USP25: variants seen among roughly 807,000 people sequenced by gnomAD.
USP25 encodes the protein ubiquitin carboxyl-terminal hydrolase 25.
USP25 carries 85 observed loss-of-function variants against 158.5 expected under a neutral mutation model. The observed-to-expected ratio is 0.54, with a 90% CI of 0.45 to 0.64. USP25 has a LOEUF of 0.64. Ranked by LOEUF, USP25 falls within the 30% of genes least tolerant of loss-of-function variation. USP25 has a pLI of 0.00. For synonymous variants in USP25, 464 were observed against 460.4 expected, an observed-to-expected ratio of 1.01 and a Z score of -0.10; for missense variants, 1,242 against 1,327.3, an observed-to-expected ratio of 0.94 and a Z score of 1.00.
intron 20 of USP25, among the ~76,000 whole-genome samples, chr21:15,852,471 G>T (rs1484543521): frequency 6.6e-6 from 1 of 152,050 alleles, no homozygotes; most frequent in Non-Finnish European, 1.5e-5. Context: ...TAAATAAATT[G>T]TATCAATGTT....
chr21:15,844,469 T>A (rs2038485396), intron 18 of USP25, among the ~76,000 whole-genome samples: 1 of 152,160 alleles, frequency 6.6e-6, no homozygotes, highest in Non-Finnish European at 1.5e-5. Flanking sequence ...GTGCCTGGCA[T>A]GGCATGTAGT....
chr21:15,731,097 C>CCTTT (rs2123121889), intron 1 of USP25, among the ~76,000 whole-genome samples: 1 of 149,266 alleles, frequency 6.7e-6, no homozygotes, highest in African/African-American at 2.5e-5. Flanking sequence ...TTTCGTTCAC[C>CCTTT]CTTTACTCTT....
intron 22 of USP25, among the ~76,000 whole-genome samples, chr21:15,868,212 A>G (rs1344136179): frequency 6.6e-6 from 1 of 152,226 alleles, no homozygotes; most frequent in African/African-American, 2.4e-5. Context: ...TAGAAGCCCA[A>G]AGACATTCAT....
chr21:15,791,546 G>C lies in USP25; in HGVS notation c.437G>C (p.Arg146Thr), dbSNP rs1334206029. The change falls in exon 5 of 26, where the codon AGG becomes ACG. Residue 146 changes from arginine (R) to threonine (T), a missense_variant. Arg to Thr is a moderately conservative substitution (Grantham distance 71). Coordinates refer to ENST00000400183, the MANE Select transcript of USP25 (RefSeq NM_001283041.3). The part of the protein sequence containing the change: ...SIAENKACLK[R>T]TPTEVWRDSR... ...GCAGAGAATAAAGCATGTTTGAAGA[G>C]GACACCTACAGAAGTTTGGAGGGAT... The C allele has an allele frequency of 6.2e-7, 1 of 1,611,002 alleles. No homozygotes were observed. The highest frequency in any genetic ancestry group is 8.5e-7 in the Non-Finnish European group (1 of 1,178,156).
chr21:15,762,974 G>C lies in USP25; in HGVS notation c.123+6G>C. ...TACTACAGCAAGCCTTGAAGGTATG[G>C]CCTCTGTTTTATGATATACAGTTTG... On this transcript the variant is annotated splice_donor_region_variant and intron_variant, in intron 2 of 25. Transcript: ENST00000400183. 1 of 1,609,142 alleles carries C rather than the reference G, an allele frequency of 6.2e-7. No individual in the cohort carries two copies.
At chr21:15,780,913 T>C (rs1324600617) in intron 4 of USP25, among the ~76,000 whole-genome samples, 1 of 152,184 alleles carries the variant, frequency 6.6e-6, no homozygotes, top group Non-Finnish European at 1.5e-5. Context: ...TAATTCCAGA[T>C]ACTTGTGGAT....
intron 1 of USP25, chr21:15,744,010 C>G (rs1336889153): frequency 6.4e-6 from 1 of 155,562 alleles, no homozygotes; most frequent in African/African-American, 2.4e-5. Context: ...ACTTACAGAA[C>G]TGACAGTGTT....
At chr21:15,848,494 G>A (rs1184958886) in intron 19 of USP25, among the ~76,000 whole-genome samples, 1 of 152,046 alleles carries the variant, frequency 6.6e-6, no homozygotes, top group Non-Finnish European at 1.5e-5. Flanking sequence ...GGAACGGCCA[G>A]TAAAGCTGTT....
intron 17 of USP25, among the ~76,000 whole-genome samples, chr21:15,836,476 G>A (rs2038070118): frequency 6.6e-6 from 1 of 152,150 alleles, no homozygotes; most frequent in African/African-American, 2.4e-5. Context: ...TACTTTTGTT[G>A]AGATTTTCAG....
Position 15,816,963 on chromosome 21 carries a change from C to T in USP25, c.932-1735C>T, listed in dbSNP as rs1568843307. On this transcript the variant is annotated intron_variant, in intron 9 of 25. Coordinates refer to ENST00000400183, the MANE Select transcript of USP25 (RefSeq NM_001283041.3). The surrounding 1 kb of genome is among the most constrained non-coding windows in gnomAD (Gnocchi z 4.0). ...CCTGGCCAACATGGTGAAACCCCAC[C>T]TCTACTGAAAATACAAAAATTAGTC... 6.6e-6 allele frequency among the ~76,000 whole-genome samples: 1 copy of T among 151,964 alleles called. No homozygotes were observed. Among genetic ancestry groups the T allele is most frequent in the Non-Finnish European group, 1.5e-5 (1 of 67,972 alleles).
At chr21:15,745,667 G>A (rs2032488849) in intron 1 of USP25, among the ~76,000 whole-genome samples, 1 of 151,566 alleles carries the variant, frequency 6.6e-6, no homozygotes. Context: ...GTAGAGACAG[G>A]GTTTCACCAT....
chr21:15,791,763 G>A (rs2035602951), intron 5 of USP25, 99 bp downstream of exon 5: 3 of 1,290,330 alleles, frequency 2.3e-6, no homozygotes, highest in Middle Eastern at 2.7e-4. Context: ...GATAAGTACA[G>A]ATAAGTTTTT....
chr21:15,831,509 G>A lies in USP25; in HGVS notation c.1873G>A (p.Asp625Asn). 6.2e-7 allele frequency: 1 copy of A among 1,614,078 alleles called. No homozygotes were observed. Among genetic ancestry groups the A allele is most frequent in the Non-Finnish European group, 8.5e-7 (1 of 1,179,960 alleles). Residue 625 changes from aspartate to asparagine, a missense_variant, in exon 16 of 26, where the codon GAT becomes AAT. Transcript: ENST00000400183. ...TGAAAGCAGATGGATGAAGTACAAT[G>A]ATATTGCTGTGACAAAATCATCATG... Reference protein sequence around the residue: ...HRESRWMKYNDIAVTKSSWEE... With the variant: ...HRESRWMKYNNIAVTKSSWEE...
intron 1 of USP25, among the ~76,000 whole-genome samples, chr21:15,753,935 A>G (rs74917734): frequency 0.074 from 11,245 of 151,856 alleles, 496 homozygotes; most frequent in East Asian, 0.098. Flanking sequence ...TGGCAACACA[A>G]GTTATGAGAG....
At chr21:15,788,632 T>C (rs531853824) in intron 4 of USP25, among the ~76,000 whole-genome samples, 5 of 152,062 alleles carry the variant, frequency 3.3e-5, no homozygotes, top group Admixed American at 2.6e-4. Context: ...TGAGGCATGC[T>C]GTAAAATTCT....
rs146056503 is a variant in USP25, at chr21:15,801,943, G to T, written c.642+2100G>T. On this transcript the variant is annotated intron_variant, in intron 6 of 25. Coordinates refer to ENST00000400183, the MANE Select transcript of USP25 (RefSeq NM_001283041.3). ...ATTGAAACTAATTTTAGACACTCAGGTTTCTTTGAACTGTTGGTAATTTCA... is the reference window on the plus strand; with the variant it reads ...ATTGAAACTAATTTTAGACACTCAGTTTTCTTTGAACTGTTGGTAATTTCA... 1.6e-3 allele frequency among the ~76,000 whole-genome samples: 250 copies of T among 151,584 alleles called. 2 individuals are homozygous for T. The highest frequency in any genetic ancestry group is 5.4e-3 in the African/African-American group (222 of 41,444).
chr21:15,732,418 A>G (rs1213271974), intron 1 of USP25, among the ~76,000 whole-genome samples: 1 of 152,220 alleles, frequency 6.6e-6, no homozygotes, highest in Non-Finnish European at 1.5e-5. Flanking sequence ...TAAACCATCT[A>G]CCTCGATAAG....
intron 12 of USP25, 50 bp downstream of exon 12, chr21:15,825,111 T>G: frequency 7.4e-7 from 1 of 1,360,262 alleles, no homozygotes; most frequent in Non-Finnish European, 1.0e-6. Flanking sequence ...AACCATGTAT[T>G]TGGTGACTAG....
intron 1 of USP25, among the ~76,000 whole-genome samples, chr21:15,741,678 C>T (rs1015599573): frequency 6.6e-6 from 1 of 152,090 alleles, no homozygotes; most frequent in African/African-American, 2.4e-5. Flanking sequence ...AGTTTTAACA[C>T]TCCTACACGA....
Sources: gnomAD v4.1 joint callset for allele counts (sites outside exome capture counted in the v4.1 genomes callset) on GRCh38, gnomAD v4.1.1 for gene constraint, Gnocchi (gnomAD v3.1) non-coding constraint, MANE v1.5 for transcripts, NCBI Gene and HGNC (gene_info 2026-07-23, HGNC 2026-07-21) for gene names.